ITGB3BP: variants seen among roughly 807,000 people sequenced by gnomAD.
The protein encoded by ITGB3BP is centromere protein R.
A neutral mutation model predicts 29.1 loss-of-function variants in ITGB3BP; 27 were observed. The ratio of observed to expected loss-of-function variants is 0.93; its 90% CI spans 0.68 to 1.28. ITGB3BP has a LOEUF of 1.28. Among genes scored for constraint, ITGB3BP ranks in the 50% most tolerant of loss-of-function variants. The pLI is 0.00. For synonymous variants in ITGB3BP, 61 were observed against 61.4 expected (o/e 0.99, Z 0.03); for missense variants, 192 against 200.2 (o/e 0.96, Z 0.25).
chr1:63,514,316 C>G (rs1355182745), intron 1 of ITGB3BP, among the ~76,000 whole-genome samples: 1 of 152,118 alleles, frequency 6.6e-6, no homozygotes, highest in Non-Finnish European at 1.5e-5. Context: ...CTTCCAAGAA[C>G]ACCTTTTACA....
intron 4 of ITGB3BP, among the ~76,000 whole-genome samples, chr1:63,469,784 G>T (rs941143081): frequency 6.6e-6 from 1 of 152,226 alleles, no homozygotes; most frequent in African/African-American, 2.4e-5. Flanking sequence ...TGCTGGTGTT[G>T]TTCAAGACTG....
chr1:63,461,538 A>G (rs1210544577), intron 4 of ITGB3BP, among the ~76,000 whole-genome samples: 1 of 152,198 alleles, frequency 6.6e-6, no homozygotes, highest in Admixed American at 6.5e-5. Context: ...ATCTATCAAC[A>G]AATTCAAGGT....
At position 63,454,087 on chromosome 1, in the gene ITGB3BP, A is replaced by G. The variant is rs1027065772; in HGVS notation, c.428-113T>C. ...AAATAATTCAAAATAATACATATTT[A>G]TAAGTACCAAATATAAAATATAATA... On this transcript the variant is annotated intron_variant, in intron 6 of 8. Coordinates refer to ENST00000271002, the MANE Select transcript of ITGB3BP (RefSeq NM_014288.5). This position sits in a 1 kb window ranked among gnomAD's most constrained non-coding sequence, Gnocchi z 4.1. The G allele has an allele frequency of 8.6e-6, 5 of 579,908 alleles. No homozygotes were observed. The highest frequency in any genetic ancestry group is 2.6e-5 in the South Asian group (1 of 38,760). The allele number at this position is 579,908 out of a possible 1,614,324, so 35.9% of individuals were successfully genotyped here. A position where few individuals can be genotyped will look rare whatever the true frequency, so the allele number is the denominator to read the frequency against.
chr1:63,475,531 G>A (rs6588035), intron 4 of ITGB3BP, among the ~76,000 whole-genome samples: 28,668 of 152,108 alleles, frequency 0.19, 3,432 homozygotes, highest in Non-Finnish European at 0.27. Context: ...CTTCAGCATG[G>A]GTGACAGAGC....
chr1:63,460,347 T>C (rs1570146242), intron 4 of ITGB3BP, among the ~76,000 whole-genome samples: 1 of 152,192 alleles, frequency 6.6e-6, no homozygotes, highest in African/African-American at 2.4e-5. Context: ...CTCCTTTCTA[T>C]CTCTTTGAAT....
rs748981410 is a variant in ITGB3BP at position 63,490,077 on chromosome 1, A to G, written c.184+6T>C. ...TACAATAAGTAGAAAAGAATGTTCAACTAACCATTTGATAGTCCATTTCTG... is the reference window on the plus strand; with the variant it reads ...TACAATAAGTAGAAAAGAATGTTCAGCTAACCATTTGATAGTCCATTTCTG... On this transcript the variant is annotated splice_donor_region_variant and intron_variant, in intron 3 of 8. Coordinates refer to ENST00000271002, the MANE Select transcript of ITGB3BP (RefSeq NM_014288.5). 1 of 1,607,474 alleles carries G rather than the reference A, an allele frequency of 6.2e-7. No individual in the cohort carries two copies. Among genetic ancestry groups the G allele is most frequent in the South Asian group, 1.1e-5 (1 of 89,214 alleles).
At chr1:63,519,155 C>T (rs1013987340) in intron 1 of ITGB3BP, among the ~76,000 whole-genome samples, 3 of 152,058 alleles carry the variant, frequency 2.0e-5, no homozygotes, top group Non-Finnish European at 2.9e-5. Flanking sequence ...GATTATGTTA[C>T]AACAAACCCA....
intron 4 of ITGB3BP, among the ~76,000 whole-genome samples, chr1:63,463,144 G>C (rs1207756669): frequency 6.6e-6 from 1 of 151,008 alleles, no homozygotes; most frequent in Non-Finnish European, 1.5e-5. Context: ...AGCTATCTGG[G>C]AGGCTGAGGC....
chr1:63,475,143 T>TA (rs1557626693), intron 4 of ITGB3BP, among the ~76,000 whole-genome samples: 2 of 151,800 alleles, frequency 1.3e-5, no homozygotes, highest in East Asian at 3.9e-4. Context: ...CCCACCTAAT[T>TA]TAAAAAAAAA....
chr1:63,524,363 G>T (rs938266864), upstream of ITGB3BP, among the ~76,000 whole-genome samples: 1 of 152,120 alleles, frequency 6.6e-6, no homozygotes, highest in South Asian at 2.1e-4. Context: ...ATCCCTGTGG[G>T]GTCCTTCTAA....
intron 7 of ITGB3BP, among the ~76,000 whole-genome samples, chr1:63,448,073 G>C (rs564526755): frequency 1.3e-5 from 2 of 150,234 alleles, no homozygotes; most frequent in South Asian, 4.2e-4. Flanking sequence ...GTAAACTATT[G>C]CAAGGACAAA....
In ITGB3BP at chr1:63,522,939, C is replaced by CTA. The variant is rs773596772; in HGVS notation, c.5+188_5+189dup. ...CGTAGAAACAGAAAGCGAAGGAGGACTATCGTATGAGTACCGCTGGAGGAG... is the reference window on the plus strand; with the variant it reads ...CGTAGAAACAGAAAGCGAAGGAGGACTATATCGTATGAGTACCGCTGGAGGAG... On this transcript the variant is annotated intron_variant, in intron 1 of 8. Transcript: ENST00000271002. 1.3e-5 allele frequency: 10 copies of CTA among 779,890 alleles called. No individual in the cohort carries two copies. The South Asian group carries it at 1.4e-4, about 11-fold the overall frequency. The allele number at this position is 779,890 out of a possible 1,614,324, so 48.3% of individuals were successfully genotyped here.
chr1:63,524,085 A>G (rs1646533419), upstream of ITGB3BP, among the ~76,000 whole-genome samples: 1 of 152,184 alleles, frequency 6.6e-6, no homozygotes, highest in Non-Finnish European at 1.5e-5. Flanking sequence ...TTCTCGTCAC[A>G]GAAAGGAAAA....
In ITGB3BP at chr1:63,481,395, A is replaced by G. The variant is rs139284288; in HGVS notation, c.185-2562T>C. On this transcript the variant is annotated intron_variant, in intron 3 of 8. Transcript: ENST00000271002. The stretch of plus-strand genomic sequence containing the variant: ...TGAGTAATACAACATATTGAGTAGT[A>G]AATGTAGTAAATGAGGTTTCCAGTT... 2.0e-5 allele frequency among the ~76,000 whole-genome samples: 3 copies of G among 152,308 alleles called. No individual in the cohort carries two copies. The East Asian group carries it at 5.8e-4, about 29-fold the overall frequency.
At chr1:63,474,926 C>T (rs201670000) in intron 4 of ITGB3BP, among the ~76,000 whole-genome samples, 3 of 150,970 alleles carry the variant, frequency 2.0e-5, no homozygotes, top group African/African-American at 7.4e-5. Flanking sequence ...AAAAACAAAA[C>T]AAAACAAAAA....
In ITGB3BP at chr1:63,477,934, G is replaced by T. The variant is rs537484905; in HGVS notation, c.254+830C>A. Among the ~76,000 whole-genome samples, 6 of 152,214 alleles carry T rather than the reference G, an allele frequency of 3.9e-5. No homozygotes were observed. In the East Asian group the frequency reaches 1.2e-3, roughly 29 times the overall value. ...ACAGCTGTCCCTCAATATCTGTGGA[G>T]AATTGGTTCCAGGACTCCTGCAGAT... On this transcript the variant is annotated intron_variant, in intron 4 of 8. Coordinates refer to ENST00000271002, the MANE Select transcript of ITGB3BP (RefSeq NM_014288.5).
intron 2 of ITGB3BP, among the ~76,000 whole-genome samples, chr1:63,493,082 A>ACGCGCGCG (rs1459042003): frequency 2.2e-5 from 3 of 139,234 alleles, no homozygotes; most frequent in Non-Finnish European, 4.7e-5. Flanking sequence ...ACACACACAC[A>ACGCGCGCG]CACACACGCG....
intron 8 of ITGB3BP, 24 bp downstream of exon 8, chr1:63,446,782 T>C: frequency 6.4e-7 from 1 of 1,550,454 alleles, no homozygotes; most frequent in Non-Finnish European, 8.9e-7. Context: ...AAGGTTAAAC[T>C]AAATTAGAAA....
In ITGB3BP at chr1:63,475,330, A is replaced by G. The variant is rs561790720; in HGVS notation, c.254+3434T>C. On this transcript the variant is annotated intron_variant, in intron 4 of 8. Transcript: ENST00000271002. ...ATCCAAGTCTTCAGGCTGAGGCAAGAGGATCGCTTTAGCCCAGGAGTGCAA... is the reference window on the plus strand; with the variant it reads ...ATCCAAGTCTTCAGGCTGAGGCAAGGGGATCGCTTTAGCCCAGGAGTGCAA... Among the ~76,000 whole-genome samples the G allele has an allele frequency of 1.2e-4, 19 of 152,314 alleles. No homozygotes were observed. In the East Asian group the frequency reaches 3.5e-3, roughly 28 times the overall value.
Sources: allele counts gnomAD v4.1 joint callset (sites outside exome capture counted in the v4.1 genomes callset), GRCh38; gene constraint gnomAD v4.1.1; non-coding constraint Gnocchi (gnomAD v3.1); transcripts MANE v1.5; gene names NCBI Gene and HGNC (gene_info 2026-07-23, HGNC 2026-07-21).